The following ATP2C1 variants were observed in gnomAD, a reference collection of about 807,000 sequenced individuals.
The protein encoded by ATP2C1 is ATPase secretory pathway Ca2+ transporting 1.
ATP2C1 carries 31 observed loss-of-function variants against 120.5 expected under a neutral mutation model. The ratio of observed to expected loss-of-function variants is 0.26; its 90% CI spans 0.19 to 0.35. ATP2C1 has a LOEUF of 0.35. ATP2C1 is among the 10% of genes least tolerant of loss of function. The probability of loss-of-function intolerance (pLI) is 1.00; values close to 1 mark genes in which losing one functional copy is unlikely to be tolerated. For missense variants in ATP2C1, 731 were observed against 1,107.5 expected, an observed-to-expected ratio of 0.66 and a Z score of 4.83; for synonymous variants, 351 against 358.7, an observed-to-expected ratio of 0.98 and a Z score of 0.24.
intron 23 of ATP2C1, 129 bp from the exon 24 acceptor site, chr3:130,996,551 A>G: frequency 1.4e-6 from 1 of 738,848 alleles, no homozygotes; most frequent in Non-Finnish European, 2.4e-6. Context: ...TGACTGAAGA[A>G]TAGTTTACTT....
At chr3:130,987,200 G>A (rs2062062222) in intron 20 of ATP2C1, among the ~76,000 whole-genome samples, 1 of 151,858 alleles carries the variant, frequency 6.6e-6, no homozygotes, top group Admixed American at 6.6e-5. Flanking sequence ...CTCACCACGT[G>A]TTGCCCAGAC....
intron 16 of ATP2C1, among the ~76,000 whole-genome samples, chr3:130,967,684 C>T (rs2061110723): frequency 6.6e-6 from 1 of 151,252 alleles, no homozygotes; most frequent in Admixed American, 6.6e-5. Flanking sequence ...TTCCTGTCTT[C>T]CACAATGTTG....
chr3:131,012,807 T>C (rs2063380471), intron 26 of ATP2C1, among the ~76,000 whole-genome samples: 1 of 152,214 alleles, frequency 6.6e-6, no homozygotes, highest in Non-Finnish European at 1.5e-5. Context: ...TTGAATACTC[T>C]AGGGGCAAAT....
intron 2 of ATP2C1, among the ~76,000 whole-genome samples, chr3:130,898,734 G>C (rs1035964778): frequency 2.6e-5 from 4 of 152,100 alleles, no homozygotes; most frequent in African/African-American, 9.7e-5. Flanking sequence ...TTAACGCAAA[G>C]CATTATGAAA....
At chr3:130,883,634 T>C (rs2107828544) in intron 1 of ATP2C1, among the ~76,000 whole-genome samples, 2 of 152,246 alleles carry the variant, frequency 1.3e-5, no homozygotes, top group Middle Eastern at 6.8e-3. Context: ...GTCTCTTTAG[T>C]AGAGACAGGG....
chr3:130,925,222 G>A (rs1326101918), intron 2 of ATP2C1, among the ~76,000 whole-genome samples: 1 of 152,138 alleles, frequency 6.6e-6, no homozygotes, highest in Non-Finnish European at 1.5e-5. Context: ...GGGAAGATCT[G>A]GGATTCAAGG....
Position 130,997,020 on chromosome 3 carries a change from G to A in ATP2C1, c.2243+224G>A, listed in dbSNP as rs189239118. 3.3e-5 allele frequency among the ~76,000 whole-genome samples: 5 copies of A among 152,170 alleles called. No individual in the cohort carries two copies. The East Asian group carries it at 9.6e-4, about 29-fold the overall frequency. ...ACTGTTAGATGCCTAGCCTAAGGTT[G>A]AGAATAGATCAGGAATAGGTGCTAT... is the stretch of plus-strand genomic sequence containing the variant. On this transcript the variant is annotated intron_variant, in intron 24 of 27. Coordinates refer to ENST00000510168, the MANE Select transcript of ATP2C1 (RefSeq NM_001378687.1).
At chr3:130,992,919 G>T in intron 20 of ATP2C1, 32 bp from the exon 21 acceptor site, 1 of 1,554,542 alleles carries the variant, frequency 6.4e-7, no homozygotes, top group South Asian at 1.1e-5. Flanking sequence ...TCTTAATATT[G>T]AAGATTTTTA....
chr3:130,859,341 A>C (rs2067943736), intron 1 of ATP2C1, among the ~76,000 whole-genome samples: 1 of 152,226 alleles, frequency 6.6e-6, no homozygotes, highest in African/African-American at 2.4e-5. Context: ...CATCTAGCAA[A>C]GACCTCAAGT....
At chr3:130,974,350 C>T (rs546094940) in intron 17 of ATP2C1, among the ~76,000 whole-genome samples, 1 of 152,322 alleles carries the variant, frequency 6.6e-6, no homozygotes, top group South Asian at 2.1e-4. Context: ...GGAATGCAGG[C>T]AGATGGAAGC....
intron 2 of ATP2C1, among the ~76,000 whole-genome samples, chr3:130,898,307 A>G (rs2069822612): frequency 6.6e-6 from 1 of 152,176 alleles, no homozygotes; most frequent in Non-Finnish European, 1.5e-5. Context: ...CTTTACTTTT[A>G]AAAGCAGTTT....
chr3:130,958,253 C>T (rs1222263031), intron 11 of ATP2C1, among the ~76,000 whole-genome samples: 3 of 151,706 alleles, frequency 2.0e-5, no homozygotes, highest in African/African-American at 7.3e-5. Flanking sequence ...TTGTAAAGAA[C>T]TAGATAGTAA....
At chr3:130,993,030 T>C (rs1341694884) in intron 21 of ATP2C1, 29 bp downstream of exon 21, 3 of 1,589,056 alleles carry the variant, frequency 1.9e-6, no homozygotes, top group Non-Finnish European at 2.6e-6. Context: ...GATTGTTTTA[T>C]TTCTGTATAC....
downstream of ATP2C1, among the ~76,000 whole-genome samples, chr3:131,004,964 C>T (rs933933801): frequency 2.0e-5 from 3 of 151,996 alleles, no homozygotes; most frequent in African/African-American, 4.8e-5. Flanking sequence ...ATTTTTGTAT[C>T]GTAACATGCT....
chr3:130,893,835 C>A, upstream of ATP2C1: 1 of 713,208 alleles, frequency 1.4e-6, no homozygotes, highest in Non-Finnish European at 1.7e-6. Context: ...AAGAACAAGG[C>A]GGGCCACCAA....
rs532605058 is a variant in ATP2C1, at chr3:130,981,111, A to T, written c.1839+432A>T. ...AGTGTATAGTTCTGAACATTGAGTG[A>T]TGCATGCAGTCTTGTGACCACCACC... is the stretch of plus-strand genomic sequence containing the variant. On this transcript the variant is annotated intron_variant, in intron 20 of 27. Coordinates refer to ENST00000510168, the MANE Select transcript of ATP2C1 (RefSeq NM_001378687.1). 2.6e-4 allele frequency among the ~76,000 whole-genome samples: 40 copies of T among 152,202 alleles called. 1 individual carries two copies. The South Asian group carries it at 7.9e-3, about 30-fold the overall frequency.
rs72628532 is a variant in ATP2C1, at chr3:130,956,622, A to C, written c.832+443A>C. 0.012 allele frequency among the ~76,000 whole-genome samples: 1,772 copies of C among 151,874 alleles called. 134 individuals are homozygous for C. In the East Asian group the frequency reaches 0.21, roughly 18 times the overall value. The stretch of plus-strand genomic sequence containing the variant: ...AGGGTTTTTTTTTGGTCATATAAAT[A>C]CTTCTTTAGTGTGGTGTCTTCTGGT... On this transcript the variant is annotated intron_variant, in intron 11 of 27. Transcript: ENST00000510168.
upstream of ATP2C1, among the ~76,000 whole-genome samples, chr3:130,893,085 ATGG>A: frequency 6.6e-6 from 1 of 152,294 alleles, no homozygotes; most frequent in East Asian, 1.9e-4. Context: ...TCTAGTGGTT[ATGG>A]GTGTGAGAGG....
chr3:130,881,818 A>G lies in ATP2C1; in HGVS notation c.108+30890A>G, dbSNP rs777025360. 6.5e-4 allele frequency among the ~76,000 whole-genome samples: 99 copies of G among 152,084 alleles called. 1 individual carries two copies. The highest frequency in any genetic ancestry group is 1.1e-3 in the Non-Finnish European group (78 of 68,008). The stretch of plus-strand genomic sequence containing the variant: ...TAGGGATTTAATTTTATTTGTGGCT[A>G]TTACATGTGGGATTATTTTTACCTC... On this transcript the variant is annotated intron_variant, in intron 1 of 26. Transcript: ENST00000504381.
Sources: allele counts gnomAD v4.1 joint callset (sites outside exome capture counted in the v4.1 genomes callset), GRCh38; gene constraint gnomAD v4.1.1; transcripts MANE v1.5; gene names NCBI Gene and HGNC (gene_info 2026-07-23, HGNC 2026-07-21).